The following NRG3 variants were observed in gnomAD, a reference collection of about 807,000 sequenced individuals.
The protein encoded by NRG3 is neuregulin 3.
In NRG3, 31 loss-of-function variants were observed where a neutral mutation model predicts 66.9. The observed-to-expected ratio is 0.46, with a 90% CI of 0.35 to 0.63. NRG3 has a LOEUF of 0.63. Ranked by LOEUF, NRG3 falls within the 20% of genes least tolerant of loss-of-function variation. The pLI is 0.00. For missense variants in NRG3, 910 were observed against 878.9 expected (o/e 1.04, Z -0.45); for synonymous variants, 393 against 359.4 (o/e 1.09, Z -1.06).
intron 3 of NRG3, among the ~76,000 whole-genome samples, chr10:82,828,756 T>C (rs2062371060): frequency 6.6e-6 from 1 of 152,152 alleles, no homozygotes; most frequent in African/African-American, 2.4e-5. Flanking sequence ...GGAGTGGCTA[T>C]CTGAGAAGAA....
chr10:82,596,717 C>T (rs778620669), intron 2 of NRG3, among the ~76,000 whole-genome samples: 16 of 152,144 alleles, frequency 1.1e-4, no homozygotes, highest in Admixed American at 2.0e-4. Context: ...AAAACTCATC[C>T]TCACAGGTGT....
At chr10:81,980,737 C>T (rs1351550162) in intron 1 of NRG3, among the ~76,000 whole-genome samples, 1 of 152,122 alleles carries the variant, frequency 6.6e-6, no homozygotes, top group Non-Finnish European at 1.5e-5. Flanking sequence ...TCTCACAATT[C>T]TGGAGGCTAG....
At chr10:82,956,015 C>T (rs1850010395) in intron 5 of NRG3, among the ~76,000 whole-genome samples, 1 of 151,842 alleles carries the variant, frequency 6.6e-6, no homozygotes, top group Non-Finnish European at 1.5e-5. Context: ...CTCCCCAGCC[C>T]AATTCTGCTT....
At chr10:82,155,362 T>C (rs1307328126) in intron 1 of NRG3, among the ~76,000 whole-genome samples, 1 of 151,760 alleles carries the variant, frequency 6.6e-6, no homozygotes, top group South Asian at 2.1e-4. Context: ...AAAATAAGTA[T>C]AATATATTGC....
chr10:82,941,934 G>A (rs920748284), intron 4 of NRG3, among the ~76,000 whole-genome samples: 2 of 151,938 alleles, frequency 1.3e-5, no homozygotes, highest in African/African-American at 4.8e-5. Flanking sequence ...GATCTGATTT[G>A]CATATCTTGA....
intron 2 of NRG3, among the ~76,000 whole-genome samples, chr10:82,385,183 T>A (rs1214929042): frequency 6.6e-6 from 1 of 152,172 alleles, no homozygotes; most frequent in Admixed American, 6.6e-5. Context: ...TGCTAATTTG[T>A]TAAGTTTTTT....
chr10:82,065,962 G>A (rs1208109491), intron 1 of NRG3, among the ~76,000 whole-genome samples: 15 of 151,990 alleles, frequency 9.9e-5, no homozygotes, highest in Admixed American at 9.8e-4. Context: ...TTTTGCAAAG[G>A]CCTGTTTTCC....
Position 82,005,930 on chromosome 10 carries a change from C to G in NRG3, c.823+129767C>G, listed in dbSNP as rs956532613. Among the ~76,000 whole-genome samples, 140 of 93,510 alleles carry G rather than the reference C, an allele frequency of 1.5e-3. 1 individual carries two copies. Among genetic ancestry groups the G allele is most frequent in the African/African-American group, 5.0e-3 (136 of 26,968 alleles). The allele number at this position is 93,510 out of a possible 152,430, so 61.3% of individuals were successfully genotyped here. On this transcript the variant is annotated intron_variant, in intron 1 of 8. Coordinates refer to ENST00000372141, the MANE Select transcript of NRG3 (RefSeq NM_001010848.4). ...GTGTGTGTGTGTGTGTGTGAATCAC[C>G]TTTCAGTATAATGAGAAATTTTATT...
intron 2 of NRG3, among the ~76,000 whole-genome samples, chr10:82,571,308 A>C (rs1289178467): frequency 2.6e-5 from 4 of 151,682 alleles, no homozygotes; most frequent in Non-Finnish European, 3.0e-5. Context: ...AATAATAAAT[A>C]ATTTTAGAGA....
intron 1 of NRG3, among the ~76,000 whole-genome samples, chr10:82,286,473 G>A (rs927289097): frequency 2.0e-5 from 3 of 152,140 alleles, no homozygotes; most frequent in Non-Finnish European, 4.4e-5. Context: ...CAGATAATTC[G>A]AAGTTTGAAC....
chr10:82,005,024 G>A (rs566502034), intron 1 of NRG3, among the ~76,000 whole-genome samples: 1 of 152,346 alleles, frequency 6.6e-6, no homozygotes, highest in Non-Finnish European at 1.5e-5. Flanking sequence ...TGTTACAACA[G>A]CCTGAGGTGT....
intron 1 of NRG3, among the ~76,000 whole-genome samples, chr10:82,048,852 G>A (rs1214565209): frequency 1.3e-5 from 2 of 151,044 alleles, no homozygotes; most frequent in African/African-American, 2.4e-5. Context: ...TAGACCGCTA[G>A]CAAGACTAAT....
intron 2 of NRG3, among the ~76,000 whole-genome samples, chr10:82,501,246 T>C (rs1203536175): frequency 6.6e-6 from 1 of 152,064 alleles, no homozygotes; most frequent in Non-Finnish European, 1.5e-5. Context: ...GGACTGGAGA[T>C]AGAGCTGCCA....
intron 1 of NRG3, among the ~76,000 whole-genome samples, chr10:82,270,732 T>A (rs865954431): frequency 5.9e-5 from 9 of 152,200 alleles, no homozygotes; most frequent in African/African-American, 2.2e-4. Flanking sequence ...TGGGGCCACA[T>A]CTACCTGTGT....
chr10:82,463,152 G>T (rs745897291), intron 2 of NRG3, among the ~76,000 whole-genome samples: 11 of 152,194 alleles, frequency 7.2e-5, no homozygotes, highest in Non-Finnish European at 1.5e-4. Context: ...TGCCCTCTGA[G>T]CACTTTTTGC....
intron 2 of NRG3, among the ~76,000 whole-genome samples, chr10:82,444,157 C>T (rs2090589578): frequency 6.6e-6 from 1 of 152,174 alleles, no homozygotes; most frequent in South Asian, 2.1e-4. Flanking sequence ...GGCTGGAGTG[C>T]AGTGGCACAA....
intron 1 of NRG3, among the ~76,000 whole-genome samples, chr10:82,281,696 G>T (rs562285517): frequency 6.6e-6 from 1 of 152,134 alleles, no homozygotes; most frequent in Admixed American, 6.5e-5. Context: ...AGCCAGAGGT[G>T]CTTTCCCTGA....
chr10:82,982,427 G>A (rs375584572), intron 8 of NRG3, among the ~76,000 whole-genome samples: 4 of 152,122 alleles, frequency 2.6e-5, no homozygotes, highest in South Asian at 4.2e-4. Flanking sequence ...CTCATGGACC[G>A]AACTTGTGGA....
At chr10:82,452,886 G>T (rs190990879) in intron 2 of NRG3, among the ~76,000 whole-genome samples, 2 of 152,222 alleles carry the variant, frequency 1.3e-5, no homozygotes, top group East Asian at 1.9e-4. Context: ...GGTTTGAAAG[G>T]GGATTCCCAT....
Sources: allele counts gnomAD v4.1 joint callset (sites outside exome capture counted in the v4.1 genomes callset), GRCh38; gene constraint gnomAD v4.1.1; transcripts MANE v1.5; gene names NCBI Gene and HGNC (gene_info 2026-07-23, HGNC 2026-07-21).